The following AMBRA1 variants were observed in gnomAD, a reference collection of about 807,000 sequenced individuals.
The protein encoded by AMBRA1 is activating molecule in BECN1-regulated autophagy protein 1.
In AMBRA1, 47 loss-of-function variants were observed where a neutral mutation model predicts 125.4. That is an observed-to-expected ratio of 0.37 (90% CI 0.30 to 0.48). The LOEUF is 0.48. Among genes scored for constraint, AMBRA1 ranks in the 20% least tolerant of loss-of-function variants. The pLI is 0.99. For synonymous variants in AMBRA1, 626 were observed against 655.5 expected (o/e 0.95, Z 0.69); for missense variants, 1,331 against 1,693.4 (o/e 0.79, Z 3.76).
At chr11:46,489,067 AT>A (rs902842292) in intron 11 of AMBRA1, among the ~76,000 whole-genome samples, 55 of 148,604 alleles carry the variant, frequency 3.7e-4, no homozygotes, top group East Asian at 2.3e-3. Flanking sequence ...CGCCCGGTTA[AT>A]TTTTTTTTTT....
At chr11:46,476,832 G>C (rs1949832224) in intron 11 of AMBRA1, among the ~76,000 whole-genome samples, 1 of 152,176 alleles carries the variant, frequency 6.6e-6, no homozygotes, top group South Asian at 2.1e-4. Context: ...TCTGCTTAAG[G>C]CTGGGTGTGG....
chr11:46,459,430 T>C (rs1374488685), intron 11 of AMBRA1, among the ~76,000 whole-genome samples: 1 of 152,136 alleles, frequency 6.6e-6, no homozygotes, highest in African/African-American at 2.4e-5. Flanking sequence ...CTGATACTTA[T>C]ATTTATAACA....
chr11:46,408,222 G>A (rs1385945402), intron 17 of AMBRA1, among the ~76,000 whole-genome samples: 1 of 152,152 alleles, frequency 6.6e-6, no homozygotes, highest in Non-Finnish European at 1.5e-5. Flanking sequence ...CTTGCAGGAG[G>A]GAGTCTCCCT....
intron 9 of AMBRA1, among the ~76,000 whole-genome samples, chr11:46,504,203 G>C (rs1950947725): frequency 1.3e-5 from 2 of 152,254 alleles, no homozygotes; most frequent in South Asian, 4.1e-4. Flanking sequence ...GAGGATTCTG[G>C]AATTATAATT....
intron 11 of AMBRA1, among the ~76,000 whole-genome samples, chr11:46,458,519 T>C (rs887977113): frequency 6.6e-6 from 1 of 152,246 alleles, no homozygotes. Context: ...CCATTGGTAC[T>C]GTGTGATTTT....
chr11:46,426,219 C>T (rs997156902), intron 14 of AMBRA1, among the ~76,000 whole-genome samples: 2 of 152,014 alleles, frequency 1.3e-5, no homozygotes, highest in African/African-American at 2.4e-5. Flanking sequence ...GGTGCACATG[C>T]GTGGACATGC....
chr11:46,412,337 G>A (rs1448367140), intron 15 of AMBRA1, among the ~76,000 whole-genome samples: 1 of 152,242 alleles, frequency 6.6e-6, no homozygotes, highest in East Asian at 1.9e-4. Flanking sequence ...AGTCTGAAGT[G>A]CAGTGGTGTG....
At chr11:46,547,754 C>A in intron 3 of AMBRA1, 63 bp downstream of exon 3, 1 of 1,511,766 alleles carries the variant, frequency 6.6e-7, no homozygotes, top group Admixed American at 1.9e-5. Context: ...AAGATCAAGC[C>A]AGGCCAAATA....
At chr11:46,453,812 G>A (rs1948729931) in intron 11 of AMBRA1, among the ~76,000 whole-genome samples, 1 of 152,142 alleles carries the variant, frequency 6.6e-6, no homozygotes, top group African/African-American at 2.4e-5. Flanking sequence ...TGTTTAGGCA[G>A]TTTAATAACT....
rs1343370619 is a variant in AMBRA1 at position 46,397,397 on chromosome 11, G to A, written c.*53C>T. On this transcript the variant is annotated 3_prime_UTR_variant, in exon 18 of 18. Transcript: ENST00000683756. ...ATGTCCAGTTCCCAGTCAGCTGTGA[G>A]GTCCGGTTTCTGCTTGGCGGTTCGA... 4.5e-5 allele frequency: 66 copies of A among 1,457,490 alleles called. No individual in the cohort carries two copies. The highest frequency in any genetic ancestry group is 6.0e-5 in the Non-Finnish European group (66 of 1,104,082). 90.3% of individuals were successfully genotyped at this position (1,457,490 alleles called of 1,614,324 possible).
At position 46,552,548 on chromosome 11, in the gene AMBRA1, G is replaced by A. The variant is rs930044806; in HGVS notation, c.-120-4048C>T. On this transcript the variant is annotated intron_variant, in intron 1 of 17. Coordinates refer to ENST00000683756, the MANE Select transcript of AMBRA1 (RefSeq NM_001387011.1). ...AAAAATACAAAAGTTAGCTAGGCGTGATGGTACGCGCCTGTAATCCCAGCT... is the reference window on the plus strand; with the variant it reads ...AAAAATACAAAAGTTAGCTAGGCGTAATGGTACGCGCCTGTAATCCCAGCT... 3.3e-5 allele frequency among the ~76,000 whole-genome samples: 5 copies of A among 151,828 alleles called. No homozygotes were observed. In the East Asian group the frequency reaches 5.8e-4, roughly 18 times the overall value.
At chr11:46,452,931 AACTT>A (rs1461637915) in intron 11 of AMBRA1, among the ~76,000 whole-genome samples, 3 of 152,260 alleles carry the variant, frequency 2.0e-5, no homozygotes, top group African/African-American at 7.2e-5. Context: ...ACTGAGATAT[AACTT>A]ACAATTCACC....
chr11:46,446,875 A>AC (rs1457664063), intron 11 of AMBRA1, among the ~76,000 whole-genome samples: 1 of 152,224 alleles, frequency 6.6e-6, no homozygotes, highest in Admixed American at 6.5e-5. Flanking sequence ...AATCCAAGGC[A>AC]CAGCATTACA....
At chr11:46,401,320 A>T (rs1945749569) in intron 17 of AMBRA1, among the ~76,000 whole-genome samples, 3 of 152,160 alleles carry the variant, frequency 2.0e-5, no homozygotes. Flanking sequence ...AGCTCACTGC[A>T]ACCTCCACTT....
chr11:46,565,084 C>T (rs923181163), intron 1 of AMBRA1, among the ~76,000 whole-genome samples: 30 of 150,090 alleles, frequency 2.0e-4, no homozygotes, highest in African/African-American at 6.4e-4. Flanking sequence ...GGCAAAACCT[C>T]ATCTCTACAA....
In AMBRA1 at chr11:46,443,706, T is replaced by C. The variant is rs1365460851; in HGVS notation, c.2522-108A>G. On this transcript the variant is annotated intron_variant, in intron 11 of 17. Transcript: ENST00000683756. ...GTAGTGGGGAGAGAAGAGGAAAAAC[T>C]AGACTATGGCTGAAGAAAGCTAATG... 6.5e-6 allele frequency: 6 copies of C among 927,754 alleles called. No individual in the cohort carries two copies. The African/African-American group carries it at 6.6e-5, about 10-fold the overall frequency. The allele number at this position is 927,754 out of a possible 1,614,324, so 57.5% of individuals were successfully genotyped here.
At chr11:46,410,193 G>C (rs961922787) in intron 16 of AMBRA1, 83 bp downstream of exon 16, 1 of 1,293,534 alleles carries the variant, frequency 7.7e-7, no homozygotes, top group East Asian at 2.3e-5. Context: ...GAGCCCTAGA[G>C]GGCGCTGCTT....
At chr11:46,588,318 C>T (rs2044472795) in intron 1 of AMBRA1, among the ~76,000 whole-genome samples, 1 of 152,100 alleles carries the variant, frequency 6.6e-6, no homozygotes, top group African/African-American at 2.4e-5. Flanking sequence ...GATGACAGAG[C>T]AAGACTCCAT....
chr11:46,434,133 A>G (rs1270670573), intron 13 of AMBRA1, among the ~76,000 whole-genome samples: 2 of 151,522 alleles, frequency 1.3e-5, no homozygotes, highest in Non-Finnish European at 2.9e-5. Context: ...AAAAAAAAAA[A>G]AAAAGAAAGA....
Sources: allele counts gnomAD v4.1 joint callset (sites outside exome capture counted in the v4.1 genomes callset), GRCh38; gene constraint gnomAD v4.1.1; transcripts MANE v1.5; gene names NCBI Gene and HGNC (gene_info 2026-07-23, HGNC 2026-07-21).